The following STK24 variants were observed in gnomAD, a reference collection of about 807,000 sequenced individuals.
The protein encoded by STK24 is serine/threonine kinase 24.
STK24 carries 21 observed loss-of-function variants against 55.6 expected under a neutral mutation model. That is an observed-to-expected ratio of 0.38 (90% CI 0.27 to 0.54). The LOEUF (loss-of-function observed/expected upper bound fraction) is 0.54, where lower values mean the gene tolerates loss of function less well. Ranked by LOEUF, STK24 falls within the 20% of genes least tolerant of loss-of-function variation. The pLI, the probability that STK24 is intolerant of heterozygous loss-of-function variation, is 0.79. For synonymous variants in STK24, 200 were observed against 215.2 expected (o/e 0.93, Z 0.62); for missense variants, 383 against 538.4 (o/e 0.71, Z 2.86).
chr13:98,482,185 T>C (rs1350407660), intron 3 of STK24, 80 bp downstream of exon 3: 2 of 719,234 alleles, frequency 2.8e-6, no homozygotes, highest in Non-Finnish European at 4.5e-6. Flanking sequence ...AAGAAATGGA[T>C]ACATGCAATG....
chr13:98,566,337 G>C (rs1897569685), intron 1 of STK24, among the ~76,000 whole-genome samples: 1 of 152,240 alleles, frequency 6.6e-6, no homozygotes, highest in South Asian at 2.1e-4. Flanking sequence ...CAATGTGACG[G>C]TCAGGAGGGC....
Position 98,446,365 on chromosome 13 carries a change from A to C in STK24, c.*6808T>G. On this transcript the variant is annotated 3_prime_UTR_variant, in exon 11 of 11. Coordinates refer to ENST00000539966, the MANE Select transcript of STK24 (RefSeq NM_001032296.4). ...GGGGCCCTGTCCACCCGAGGCCCTC[A>C]ACTCTAGGGAAGACTGACATTATCA... The C allele has an allele frequency of 1.6e-6, 1 of 607,356 alleles. No individual in the cohort carries two copies. Among genetic ancestry groups the C allele is most frequent in the Non-Finnish European group, 2.9e-6 (1 of 341,068 alleles). The allele number at this position is 607,356 out of a possible 1,614,324, so 37.6% of individuals were successfully genotyped here.
chr13:98,528,135 C>T (rs376916999), intron 1 of STK24, among the ~76,000 whole-genome samples: 10 of 152,130 alleles, frequency 6.6e-5, no homozygotes, highest in Admixed American at 4.6e-4. Context: ...TGGCCCAGGG[C>T]GGGAGGTCCA....
intron 1 of STK24, among the ~76,000 whole-genome samples, chr13:98,575,015 T>C (rs1897844688): frequency 2.0e-5 from 3 of 152,238 alleles, no homozygotes; most frequent in Admixed American, 2.0e-4. Flanking sequence ...TTGTGCTAGA[T>C]TCCAACCTGA....
At chr13:98,472,965 G>A (rs1289482091) in intron 5 of STK24, among the ~76,000 whole-genome samples, 1 of 151,810 alleles carries the variant, frequency 6.6e-6, no homozygotes, top group Non-Finnish European at 1.5e-5. Flanking sequence ...GCACACTGAG[G>A]TGCCCATGCC....
chr13:98,563,379 T>G (rs1481254552), intron 1 of STK24, among the ~76,000 whole-genome samples: 1 of 152,186 alleles, frequency 6.6e-6, no homozygotes, highest in Admixed American at 6.5e-5. Flanking sequence ...AGCTCGTCTT[T>G]TCTTGCAGAA....
At chr13:98,544,522 A>T (rs1197189243) in intron 1 of STK24, among the ~76,000 whole-genome samples, 8 of 152,234 alleles carry the variant, frequency 5.3e-5, no homozygotes, top group Admixed American at 5.2e-4. Context: ...AGGCACAGCC[A>T]GCCGGCAGAA....
intron 10 of STK24, 39 bp from the exon 11 acceptor site, chr13:98,453,248 T>C (rs1386974681): frequency 6.2e-7 from 1 of 1,601,296 alleles, no homozygotes; most frequent in Non-Finnish European, 8.5e-7. Context: ...ACACATGTCA[T>C]TTCTCATCCC....
chr13:98,546,367 C>T (rs1232825680), intron 1 of STK24, among the ~76,000 whole-genome samples: 1 of 141,648 alleles, frequency 7.1e-6, no homozygotes, highest in Admixed American at 7.1e-5. Flanking sequence ...TCTACCAACT[C>T]TTACAAAAAC....
chr13:98,542,324 C>CGT (rs1411101244), intron 1 of STK24, among the ~76,000 whole-genome samples: 1 of 152,034 alleles, frequency 6.6e-6, no homozygotes, highest in Non-Finnish European at 1.5e-5. Flanking sequence ...CCAGCCAACT[C>CGT]TCTCGTCTGT....
At chr13:98,509,963 ATAT>A (rs1212788492) in intron 2 of STK24, among the ~76,000 whole-genome samples, 2 of 152,228 alleles carry the variant, frequency 1.3e-5, no homozygotes, top group Non-Finnish European at 2.9e-5. Context: ...TGACCACGAC[ATAT>A]TATATGTAAT....
intron 2 of STK24, among the ~76,000 whole-genome samples, chr13:98,483,018 T>C (rs961873134): frequency 7.2e-5 from 11 of 152,350 alleles, no homozygotes; most frequent in African/African-American, 2.4e-4. Flanking sequence ...CCCTGTGGTC[T>C]CTCTTCAAGC....
chr13:98,466,782 A>T (rs1029268101), intron 5 of STK24, among the ~76,000 whole-genome samples: 3 of 152,246 alleles, frequency 2.0e-5, no homozygotes, highest in Non-Finnish European at 4.4e-5. Flanking sequence ...GAGATGGCTT[A>T]TCAATTCACT....
At chr13:98,569,237 C>G (rs896129015) in intron 1 of STK24, among the ~76,000 whole-genome samples, 5 of 152,100 alleles carry the variant, frequency 3.3e-5, no homozygotes, top group African/African-American at 7.2e-5. Flanking sequence ...CTTTAAAATT[C>G]TGGAGGAAAT....
At position 98,449,998 on chromosome 13, in the gene STK24, G is replaced by T. The variant is rs1403541653; in HGVS notation, c.*3175C>A. Reference sequence around the variant, plus strand: ...AAGTCACCACTCACTCATTCCTGGAGACTTGGGGACAAGGCAGTCTCCTCA... The same window carrying T: ...AAGTCACCACTCACTCATTCCTGGATACTTGGGGACAAGGCAGTCTCCTCA... On this transcript the variant is annotated 3_prime_UTR_variant, in exon 11 of 11. Coordinates refer to ENST00000539966, the MANE Select transcript of STK24 (RefSeq NM_001032296.4). 1.3e-5 allele frequency: 2 copies of T among 151,720 alleles called. No homozygotes were observed. The highest frequency in any genetic ancestry group is 4.8e-5 in the African/African-American group (2 of 41,262). 9.4% of individuals were successfully genotyped at this position (151,720 alleles called of 1,614,324 possible).
chr13:98,537,322 T>C (rs1260214716), intron 1 of STK24, among the ~76,000 whole-genome samples: 1 of 152,220 alleles, frequency 6.6e-6, no homozygotes, highest in Non-Finnish European at 1.5e-5. Context: ...GAGTGGGGCC[T>C]TCCCCCTGGA....
intron 7 of STK24, 23 bp from the exon 8 acceptor site, chr13:98,461,920 T>A (rs1286888859): frequency 6.2e-7 from 1 of 1,612,522 alleles, no homozygotes; most frequent in African/African-American, 1.3e-5. Context: ...ATGCAGGAAA[T>A]CCCATCAGTG....
Position 98,474,805 on chromosome 13 carries a change from C to G in STK24, c.597+16G>C. 1 of 1,601,956 alleles carries G rather than the reference C, an allele frequency of 6.2e-7. No homozygotes were observed. The highest frequency in any genetic ancestry group is 8.5e-7 in the Non-Finnish European group (1 of 1,174,352). On this transcript the variant is annotated intron_variant, in intron 5 of 10. Transcript: ENST00000539966. The stretch of plus-strand genomic sequence containing the variant: ...AGGCCTCGTGAGGCACGGCGCCGCC[C>G]TCACCCTCCCCTCACCTTCGAGTCA...
chr13:98,463,581 G>C (rs1893801060), intron 7 of STK24, 110 bp downstream of exon 7: 1 of 1,150,060 alleles, frequency 8.7e-7, no homozygotes, highest in Admixed American at 4.3e-5. Context: ...AACCTGGATT[G>C]TCTAAAAAAA....
Sources: allele counts gnomAD v4.1 joint callset (sites outside exome capture counted in the v4.1 genomes callset), GRCh38; gene constraint gnomAD v4.1.1; transcripts MANE v1.5; gene names NCBI Gene and HGNC (gene_info 2026-07-23, HGNC 2026-07-21).